The following CAB39 variants were observed in gnomAD, a reference collection of about 807,000 sequenced individuals.
CAB39 encodes the protein calcium-binding protein 39.
Under a neutral mutation model 40.0 loss-of-function variants are expected in CAB39, and 8 were observed. That is an observed-to-expected ratio of 0.20 (90% CI 0.12 to 0.36). The LOEUF (loss-of-function observed/expected upper bound fraction) is 0.36, where lower values mean the gene tolerates loss of function less well. CAB39 is among the 10% of genes least tolerant of loss of function. CAB39 has a pLI of 1.00. For synonymous variants in CAB39, 156 were observed against 141.6 expected, an observed-to-expected ratio of 1.10 and a Z score of -0.72; for missense variants, 270 against 401.1, an observed-to-expected ratio of 0.67 and a Z score of 2.79.
chr2:230,724,647 C>T (rs900741046), intron 1 of CAB39, among the ~76,000 whole-genome samples: 1 of 148,774 alleles, frequency 6.7e-6, no homozygotes, highest in Non-Finnish European at 1.5e-5. Flanking sequence ...CGCCATTGCA[C>T]TCCAGCCTGG....
At chr2:230,783,371 T>G (rs933223284) in intron 2 of CAB39, among the ~76,000 whole-genome samples, 17 of 152,252 alleles carry the variant, frequency 1.1e-4, no homozygotes, top group Admixed American at 1.1e-3. Flanking sequence ...TCCTTTGAAC[T>G]GCAGTTATTT....
At chr2:230,749,638 T>C (rs1695051063) in intron 1 of CAB39, among the ~76,000 whole-genome samples, 1 of 152,228 alleles carries the variant, frequency 6.6e-6, no homozygotes, top group African/African-American at 2.4e-5. Context: ...TAGACATTTT[T>C]TCATATCGGT....
At chr2:230,816,036 G>A (rs1387168095) in intron 7 of CAB39, among the ~76,000 whole-genome samples, 1 of 152,220 alleles carries the variant, frequency 6.6e-6, no homozygotes, top group African/African-American at 2.4e-5. Context: ...CACTTTGGGA[G>A]GCCAAGGTGG....
At chr2:230,793,451 A>G (rs1241925679) in intron 4 of CAB39, 120 bp downstream of exon 4, 2 of 466,774 alleles carry the variant, frequency 4.3e-6, no homozygotes, top group Admixed American at 3.9e-5. Context: ...TAATTTTTCC[A>G]TAGATTTTGA....
chr2:230,747,236 G>C (rs551738616), intron 1 of CAB39, among the ~76,000 whole-genome samples: 3 of 152,240 alleles, frequency 2.0e-5, no homozygotes, highest in East Asian at 3.9e-4. Flanking sequence ...AAAAGAAAAA[G>C]AAAAAAGTGG....
rs536424683 is a variant in CAB39 at position 230,725,193 on chromosome 2, C to T, written c.-44+11963C>T. ...CGAAGGCAGTCCCGGGACTGCTTGGCGCTGGCGCCACAAGTGTCTTTCAGC... is the reference window on the plus strand; with the variant it reads ...CGAAGGCAGTCCCGGGACTGCTTGGTGCTGGCGCCACAAGTGTCTTTCAGC... On this transcript the variant is annotated intron_variant, in intron 1 of 8. Transcript: ENST00000258418. 2,777 of 1,608,348 alleles carry T rather than the reference C, an allele frequency of 1.7e-3. 14 individuals carry two copies. The highest frequency in any genetic ancestry group is 7.1e-3 in the Middle Eastern group (43 of 6,044).
At chr2:230,714,783 T>A (rs1476956342) in intron 1 of CAB39, among the ~76,000 whole-genome samples, 3 of 152,252 alleles carry the variant, frequency 2.0e-5, no homozygotes, top group South Asian at 2.1e-4. Flanking sequence ...AGCTTTATTT[T>A]GTAGTTTGTT....
At position 230,726,140 on chromosome 2, in the gene CAB39, T is replaced by C. The variant is rs117978028; in HGVS notation, c.-44+12910T>C. Among the ~76,000 whole-genome samples, 87 of 152,226 alleles carry C rather than the reference T, an allele frequency of 5.7e-4. 7 individuals carry two copies. The East Asian group carries it at 0.017, about 29-fold the overall frequency. ...AATATTTTCTAGGACTTGAAAGTCA[T>C]TTTGATGTTTTTGCTTTTTAATTTA... On this transcript the variant is annotated intron_variant, in intron 1 of 8. Coordinates refer to ENST00000258418, the MANE Select transcript of CAB39 (RefSeq NM_016289.4).
At chr2:230,793,078 G>A (rs1695917918) in intron 3 of CAB39, 135 bp from the exon 4 acceptor site, 1 of 574,302 alleles carries the variant, frequency 1.7e-6, no homozygotes, top group African/African-American at 1.9e-5. Flanking sequence ...ATAATTTAAT[G>A]TCTATGAATG....
chr2:230,820,268 A>C lies in CAB39; in HGVS notation c.*1564A>C, dbSNP rs1696484699. The C allele has an allele frequency of 2.6e-5, 4 of 152,242 alleles. No individual in the cohort carries two copies. The South Asian group carries it at 8.3e-4, about 32-fold the overall frequency. 9.4% of individuals were successfully genotyped at this position (152,242 alleles called of 1,614,324 possible). On this transcript the variant is annotated 3_prime_UTR_variant, in exon 9 of 9. Coordinates refer to ENST00000258418, the MANE Select transcript of CAB39 (RefSeq NM_016289.4). ...TGATTATTCTTTGCTAGCCTCTCTT[A>C]CTAATGGAATTATATACTGGCCAGT...
chr2:230,726,428 T>C (rs1365088159), intron 1 of CAB39, among the ~76,000 whole-genome samples: 1 of 152,122 alleles, frequency 6.6e-6, no homozygotes, highest in Non-Finnish European at 1.5e-5. Context: ...CACTTCGGAC[T>C]CCCAAAGTGC....
chr2:230,776,555 A>G (rs1463525649), intron 2 of CAB39, among the ~76,000 whole-genome samples: 1 of 152,108 alleles, frequency 6.6e-6, no homozygotes, highest in Non-Finnish European at 1.5e-5. Context: ...ATAGTGTGTA[A>G]ACTTTTGAGA....
intron 1 of CAB39, among the ~76,000 whole-genome samples, chr2:230,731,221 A>T (rs542420912): frequency 6.6e-6 from 1 of 152,344 alleles, no homozygotes; most frequent in Admixed American, 6.5e-5. Flanking sequence ...GGGGGGTGCT[A>T]TTAGAGATTT....
chr2:230,790,814 A>G (rs1695880504), intron 2 of CAB39, 58 bp from the exon 3 acceptor site: 7 of 1,427,446 alleles, frequency 4.9e-6, no homozygotes, highest in East Asian at 2.3e-5. Context: ...GACGTGTTAT[A>G]TGTTTGTTAA....
intron 2 of CAB39, among the ~76,000 whole-genome samples, chr2:230,762,620 G>A (rs956768080): frequency 6.6e-6 from 1 of 152,170 alleles, no homozygotes; most frequent in African/African-American, 2.4e-5. Context: ...TCTTAAAACT[G>A]CAAATTGATG....
intron 1 of CAB39, among the ~76,000 whole-genome samples, chr2:230,742,388 G>C (rs1389586352): frequency 6.6e-6 from 1 of 152,072 alleles, no homozygotes; most frequent in Non-Finnish European, 1.5e-5. Context: ...TGTTAGCCAG[G>C]ATGGTCTCGA....
In CAB39 at chr2:230,820,522, G is replaced by A. The variant is rs570934908; in HGVS notation, c.*1818G>A. 1.3e-5 allele frequency: 2 copies of A among 152,426 alleles called. No individual in the cohort carries two copies. Among genetic ancestry groups the A allele is most frequent in the Admixed American group, 1.3e-4 (2 of 15,300 alleles). 9.4% of individuals were successfully genotyped at this position (152,426 alleles called of 1,614,324 possible). A position where few individuals can be genotyped will look rare whatever the true frequency, so the allele number is the denominator to read the frequency against. ...TGTTTAGGAAGGAAGACTTGGCCGT[G>A]ATGTGGTGTCCTGGCTTTGTGGTGT... On this transcript the variant is annotated 3_prime_UTR_variant, in exon 9 of 9. Coordinates refer to ENST00000258418, the MANE Select transcript of CAB39 (RefSeq NM_016289.4).
intron 5 of CAB39, among the ~76,000 whole-genome samples, chr2:230,802,647 A>G (rs1696111501): frequency 6.6e-6 from 1 of 152,250 alleles, no homozygotes; most frequent in Non-Finnish European, 1.5e-5. Flanking sequence ...CAAATAAACT[A>G]GAAAATCTAG....
rs184357538 is a variant in CAB39 at position 230,714,100 on chromosome 2, A to G, written c.-44+870A>G. On this transcript the variant is annotated intron_variant, in intron 1 of 8. Coordinates refer to ENST00000258418, the MANE Select transcript of CAB39 (RefSeq NM_016289.4). ...GCAAAAGCGAGAAGACAAAGCCTAG[A>G]AATCATGGATAATTCCGTTTGTTGG... 1.5e-3 allele frequency: 235 copies of G among 152,620 alleles called. 1 individual carries two copies. Among genetic ancestry groups the G allele is most frequent in the Non-Finnish European group, 1.8e-3 (126 of 68,306 alleles). 9.5% of individuals were successfully genotyped at this position (152,620 alleles called of 1,614,324 possible).
Sources: gnomAD v4.1 joint callset for allele counts (sites outside exome capture counted in the v4.1 genomes callset) on GRCh38, gnomAD v4.1.1 for gene constraint, MANE v1.5 for transcripts, NCBI Gene and HGNC (gene_info 2026-07-23, HGNC 2026-07-21) for gene names.